The following UXS1 variants were observed in gnomAD, a reference collection of about 807,000 sequenced individuals.
UXS1 encodes UDP-glucuronic acid decarboxylase 1.
In UXS1, 33 loss-of-function variants were observed where a neutral mutation model predicts 62.6. The observed-to-expected ratio is 0.53, with a 90% CI of 0.40 to 0.70. UXS1 has a LOEUF of 0.70. UXS1 is among the 30% of genes least tolerant of loss of function. The pLI is 0.00. For missense variants in UXS1, 434 were observed against 556.3 expected (o/e 0.78, Z 2.21); for synonymous variants, 213 against 206.8 (o/e 1.03, Z -0.26).
At chr2:106,112,562 C>A (rs1678705738) in intron 10 of UXS1, 84 bp downstream of exon 10, 1 of 1,546,938 alleles carries the variant, frequency 6.5e-7, no homozygotes, top group South Asian at 1.2e-5. Context: ...ACTCCCTGAA[C>A]CAAGATGCAC....
chr2:106,094,479 C>T (rs867238519), intron 14 of UXS1, among the ~76,000 whole-genome samples: 4 of 152,234 alleles, frequency 2.6e-5, no homozygotes, highest in South Asian at 2.1e-4. Flanking sequence ...CAGTTTGAAT[C>T]GGCTGGCAAG....
intron 12 of UXS1, 130 bp downstream of exon 12, chr2:106,100,928 T>G: frequency 8.6e-7 from 1 of 1,157,992 alleles, no homozygotes; most frequent in Non-Finnish European, 1.3e-6. Flanking sequence ...CTCTAGTATT[T>G]AGCAAGCAAC....
At chr2:106,139,936 T>C in intron 6 of UXS1, among the ~76,000 whole-genome samples, 1 of 152,132 alleles carries the variant, frequency 6.6e-6, no homozygotes, top group Non-Finnish European at 1.5e-5. Flanking sequence ...GAGTCAGAGG[T>C]CTTACAGAAA....
At chr2:106,188,287 G>A (rs1489580128) in intron 1 of UXS1, among the ~76,000 whole-genome samples, 3 of 152,134 alleles carry the variant, frequency 2.0e-5, no homozygotes, top group South Asian at 2.1e-4. Context: ...TACTGGATAG[G>A]AAAAAGAAGA....
intron 5 of UXS1, among the ~76,000 whole-genome samples, chr2:106,146,772 CAAAAAAAA>C (rs55896853): frequency 2.2e-5 from 1 of 45,226 alleles, no homozygotes. Flanking sequence ...GACTCCATCT[CAAAAAAAA>C]AAAAAAAAAA....
At chr2:106,140,529 G>A (rs1422982211) in intron 6 of UXS1, among the ~76,000 whole-genome samples, 1 of 152,082 alleles carries the variant, frequency 6.6e-6, no homozygotes, top group Non-Finnish European at 1.5e-5. Flanking sequence ...GGGTGCCCAG[G>A]GTTGATGGCT....
At position 106,125,627 on chromosome 2, in the gene UXS1, C is replaced by T. The variant is rs1319509103; in HGVS notation, c.630G>A (p.Val210=). Residue 210 remains valine, a synonymous_variant, in exon 8 of 15, where the codon GTG becomes GTA. Coordinates refer to ENST00000283148, the MANE Select transcript of UXS1 (RefSeq NM_001253875.2). ...ARLLLASTSE[V]YGDPEVHPQS... is the part of the protein sequence containing the mutation. The stretch of plus-strand genomic sequence containing the variant: ...AGAGAGCCTCCTACTCACCTCCATA[C>T]ACCTCCGATGTGGAGGCCAGGAGCA... 4 of 1,574,730 alleles carry T rather than the reference C, an allele frequency of 2.5e-6. No homozygotes were observed. Among genetic ancestry groups the T allele is most frequent in the South Asian group, 1.2e-5 (1 of 85,178 alleles).
At chr2:106,141,543 A>T (rs937704947) in intron 6 of UXS1, among the ~76,000 whole-genome samples, 31 of 148,730 alleles carry the variant, frequency 2.1e-4, no homozygotes, top group African/African-American at 6.9e-4. Context: ...CTGCAGCCTC[A>T]ACTTCCTGGG....
intron 7 of UXS1, among the ~76,000 whole-genome samples, chr2:106,126,832 T>C (rs912668405): frequency 6.6e-6 from 1 of 152,120 alleles, no homozygotes; most frequent in Non-Finnish European, 1.5e-5. Flanking sequence ...GAAACGGACA[T>C]TCCATTGATA....
rs13423638 is a variant in UXS1, at chr2:106,167,836, A to C, written c.95-1753T>G. On this transcript the variant is annotated intron_variant, in intron 1 of 14. Transcript: ENST00000283148. ...ATTCCCAGACTGTTAAGGCATTATA[A>C]GTCACAGGATGAGATAGGAAGTCAC... Among the ~76,000 whole-genome samples, 705 of 152,280 alleles carry C rather than the reference A, an allele frequency of 4.6e-3. 10 individuals are homozygous for C. Among genetic ancestry groups the C allele is most frequent in the African/African-American group, 0.017 (691 of 41,540 alleles).
intron 8 of UXS1, among the ~76,000 whole-genome samples, 195 bp from the exon 9 acceptor site, chr2:106,123,286 T>C (rs1226156374): frequency 9.1e-6 from 1 of 110,078 alleles, no homozygotes; most frequent in Non-Finnish European, 2.0e-5. Context: ...AATGACAATA[T>C]TTTACTTACA....
intron 11 of UXS1, chr2:106,102,677 A>G (rs1349958827): frequency 1.3e-5 from 2 of 152,148 alleles, no homozygotes; most frequent in Non-Finnish European, 2.9e-5. Context: ...CGAGGCAATC[A>G]TGGGTTTGGG....
intron 9 of UXS1, 52 bp downstream of exon 9, chr2:106,122,918 G>T: frequency 6.2e-7 from 1 of 1,603,990 alleles, no homozygotes; most frequent in Non-Finnish European, 8.5e-7. Flanking sequence ...TTACATCTGA[G>T]GTCAGGGTGC....
chr2:106,118,815 T>C (rs1468557637), intron 9 of UXS1, among the ~76,000 whole-genome samples: 1 of 152,248 alleles, frequency 6.6e-6, no homozygotes, highest in Non-Finnish European at 1.5e-5. Context: ...CTTGTTTATA[T>C]TTTCAATCTT....
At chr2:106,189,950 T>A (rs555790991) in intron 1 of UXS1, among the ~76,000 whole-genome samples, 1 of 152,200 alleles carries the variant, frequency 6.6e-6, no homozygotes, top group South Asian at 2.1e-4. Flanking sequence ...CTGCAGTGGG[T>A]AGGTCCAGGC....
intron 6 of UXS1, among the ~76,000 whole-genome samples, chr2:106,141,578 C>A (rs1306013264): frequency 6.6e-6 from 1 of 151,618 alleles, no homozygotes; most frequent in Non-Finnish European, 1.5e-5. Context: ...CCACCTCAGC[C>A]TCCTGGGTAG....
intron 8 of UXS1, 111 bp from the exon 9 acceptor site, chr2:106,123,202 G>A (rs938480058): frequency 2.0e-6 from 3 of 1,494,676 alleles, no homozygotes; most frequent in Admixed American, 3.9e-5. Flanking sequence ...TTTAGAGATG[G>A]AGAGATGTAT....
chr2:106,183,481 T>C (rs1225385534), intron 1 of UXS1: 1 of 152,208 alleles, frequency 6.6e-6, no homozygotes, highest in Non-Finnish European at 1.5e-5. Context: ...TTGCTTTACT[T>C]CACTTATTTA....
At chr2:106,116,305 T>C (rs1679051028) in intron 9 of UXS1, among the ~76,000 whole-genome samples, 1 of 152,214 alleles carries the variant, frequency 6.6e-6, no homozygotes, top group African/African-American at 2.4e-5. Flanking sequence ...ACGGTCCAGA[T>C]ATTTGCATAA....
Sources: gnomAD v4.1 joint callset for allele counts (sites outside exome capture counted in the v4.1 genomes callset) on GRCh38, gnomAD v4.1.1 for gene constraint, MANE v1.5 for transcripts, NCBI Gene and HGNC (gene_info 2026-07-23, HGNC 2026-07-21) for gene names.